The following FREM1 variants were observed in gnomAD, a reference collection of about 807,000 sequenced individuals.
FREM1 encodes FRAS1 related extracellular matrix 1.
A neutral mutation model predicts 210.1 loss-of-function variants in FREM1; 220 were observed. The ratio of observed to expected loss-of-function variants is 1.05; its 90% confidence interval spans 0.94 to 1.17. The LOEUF (loss-of-function observed/expected upper bound fraction) is 1.17. FREM1 is among the 50% of genes most tolerant of loss of function. The pLI, the probability that FREM1 is intolerant of heterozygous loss-of-function variation, is 0.00. For missense variants in FREM1, 3,454 were observed against 2,675.5 expected, an observed-to-expected ratio of 1.29 and a Z score of -6.42; for synonymous variants, 1,189 against 980.2, an observed-to-expected ratio of 1.21 and a Z score of -3.98.
At chr9:14,791,841 T>A (rs1435277661) in intron 22 of FREM1, among the ~76,000 whole-genome samples, 62 of 151,882 alleles carry the variant, frequency 4.1e-4, no homozygotes, top group Non-Finnish European at 1.0e-4. Flanking sequence ...TTTGTTTTGT[T>A]TTGTTTTTTA....
chr9:14,786,224 C>G (rs141075534), intron 23 of FREM1, among the ~76,000 whole-genome samples: 1 of 152,108 alleles, frequency 6.6e-6, no homozygotes, highest in African/African-American at 2.4e-5. Flanking sequence ...ATTAATAAAA[C>G]ATTGAGTGAG....
intron 15 of FREM1, among the ~76,000 whole-genome samples, chr9:14,813,338 GA>G (rs1355433684): frequency 2.6e-5 from 4 of 152,266 alleles, no homozygotes; most frequent in African/African-American, 9.6e-5. Context: ...TTTCTAGACA[GA>G]AAAAATACAA....
intron 1 of FREM1, among the ~76,000 whole-genome samples, chr9:14,886,117 TG>T (rs2132266991): frequency 6.6e-6 from 1 of 152,226 alleles, no homozygotes; most frequent in East Asian, 1.9e-4. Flanking sequence ...CTGTGTGCGG[TG>T]GCTCACGCCT....
chr9:14,782,293 T>G (rs553539155), intron 24 of FREM1: 2 of 869,488 alleles, frequency 2.3e-6, no homozygotes, highest in East Asian at 2.4e-4. Context: ...TGGATGCAAA[T>G]TAGGAAATTT....
In FREM1 at chr9:14,816,709, T is replaced by C. The variant is rs1405895853; in HGVS notation, c.2640+69A>G. On this transcript the variant is annotated intron_variant, in intron 15 of 36. Transcript: ENST00000380880. ...TCTTTTCATTATAAATTACCCAGTC[T>C]GTAGTATTGTGTTATGGCAGCACAA... 1.3e-5 allele frequency: 9 copies of C among 704,460 alleles called. No individual in the cohort carries two copies. In the East Asian group the frequency reaches 2.3e-4, roughly 18 times the overall value. The allele number at this position is 704,460 out of a possible 1,614,324, so 43.6% of individuals were successfully genotyped here.
chr9:14,807,127 C>G (rs903131629), intron 17 of FREM1, among the ~76,000 whole-genome samples: 3 of 152,216 alleles, frequency 2.0e-5, no homozygotes, highest in Non-Finnish European at 2.9e-5. Context: ...TGTTCCAGCA[C>G]AGCCCTTTAG....
At chr9:14,811,510 C>T (rs887530152) in intron 16 of FREM1, among the ~76,000 whole-genome samples, 6 of 152,128 alleles carry the variant, frequency 3.9e-5, no homozygotes, top group African/African-American at 1.2e-4. Context: ...TAGTGGTGAA[C>T]TCCTGAGGGA....
At chr9:14,773,166 G>A (rs1847898469) in intron 25 of FREM1, among the ~76,000 whole-genome samples, 1 of 152,108 alleles carries the variant, frequency 6.6e-6, no homozygotes, top group African/African-American at 2.4e-5. Context: ...TGCACAGAAA[G>A]CAATGGCATC....
rs1377074855 is a variant in FREM1 at position 14,819,225 on chromosome 9, T to C, written c.2546+9A>G. ...GCATGTAAATAAAAAAACCATGAAA[T>C]GTTCTAACCTAACTTTTAAGGTATG... is the stretch of plus-strand genomic sequence containing the variant. On this transcript the variant is annotated intron_variant, in intron 14 of 36. Coordinates refer to ENST00000380880, the MANE Select transcript of FREM1 (RefSeq NM_001379081.2). The C allele has an allele frequency of 5.7e-6, 9 of 1,568,022 alleles. No homozygotes were observed. The highest frequency in any genetic ancestry group is 1.4e-5 in the African/African-American group (1 of 73,288).
At chr9:14,878,036 A>C (rs759607327) in intron 1 of FREM1, among the ~76,000 whole-genome samples, 2 of 152,186 alleles carry the variant, frequency 1.3e-5, no homozygotes, top group Non-Finnish European at 2.9e-5. Context: ...ATAGCATCCT[A>C]TTTGATCTCC....
chr9:14,892,776 G>T (rs1837072948), intron 1 of FREM1, among the ~76,000 whole-genome samples: 1 of 152,006 alleles, frequency 6.6e-6, no homozygotes, highest in Non-Finnish European at 1.5e-5. Flanking sequence ...GCAATGGGTG[G>T]GTCTTTCTCT....
At chr9:14,892,775 G>A (rs1837072052) in intron 1 of FREM1, among the ~76,000 whole-genome samples, 1 of 152,046 alleles carries the variant, frequency 6.6e-6, no homozygotes, top group Non-Finnish European at 1.5e-5. Flanking sequence ...TGCAATGGGT[G>A]GGTCTTTCTC....
chr9:14,744,764 A>T (rs1211760330), intron 35 of FREM1, among the ~76,000 whole-genome samples: 1 of 152,170 alleles, frequency 6.6e-6, no homozygotes, highest in Non-Finnish European at 1.5e-5. Context: ...AATACCTAGG[A>T]GTAGAATATG....
At chr9:14,834,716 A>G (rs1413915547) in intron 10 of FREM1, among the ~76,000 whole-genome samples, 4 of 152,184 alleles carry the variant, frequency 2.6e-5, no homozygotes, top group African/African-American at 9.7e-5. Flanking sequence ...ATTTAGTCAC[A>G]TGAGATTGCC....
At chr9:14,812,540 T>C (rs1243361686) in intron 16 of FREM1, among the ~76,000 whole-genome samples, 2 of 152,124 alleles carry the variant, frequency 1.3e-5, no homozygotes, top group Non-Finnish European at 2.9e-5. Flanking sequence ...CTAAGGAGAA[T>C]CATAGGGTGA....
At chr9:14,774,736 A>C (rs1040857119) in intron 25 of FREM1, among the ~76,000 whole-genome samples, 2 of 152,284 alleles carry the variant, frequency 1.3e-5, no homozygotes, top group African/African-American at 4.8e-5. Context: ...TTGACTTAAA[A>C]AAGAAAAACA....
At position 14,740,176 on chromosome 9, in the gene FREM1, T is replaced by A; in HGVS notation, c.6313A>T (p.Ile2105Phe). 1 of 1,612,796 alleles carries A rather than the reference T, an allele frequency of 6.2e-7. No individual in the cohort carries two copies. The highest frequency in any genetic ancestry group is 8.5e-7 in the Non-Finnish European group (1 of 1,179,182). Residue 2105 changes from isoleucine (I) to phenylalanine (F), a missense_variant, in exon 36 of 37, where the codon ATT (isoleucine) becomes TTT (phenylalanine). Ile to Phe is a conservative substitution (Grantham distance 21). Coordinates refer to ENST00000380880, the MANE Select transcript of FREM1 (RefSeq NM_001379081.2). ...ATCCAAAAGGACTTTCTCCCACCAATGTCCCAGAGCCACCGCATGTGCTGC... is the reference window on the plus strand; with the variant it reads ...ATCCAAAAGGACTTTCTCCCACCAAAGTCCCAGAGCCACCGCATGTGCTGC... ...SRQHMRWLWD[I>F]GGRKSFWIGL... is the part of the protein sequence containing the mutation.
chr9:14,755,736 T>A (rs1282317431), intron 29 of FREM1, among the ~76,000 whole-genome samples: 1 of 152,212 alleles, frequency 6.6e-6, no homozygotes, highest in African/African-American at 2.4e-5. Context: ...TTCCAAGATT[T>A]CTCTTAGCCT....
chr9:14,744,742 T>C (rs899229831), intron 35 of FREM1, among the ~76,000 whole-genome samples: 1 of 152,206 alleles, frequency 6.6e-6, no homozygotes, highest in Non-Finnish European at 1.5e-5. Context: ...GTATTTTTAT[T>C]TCTTTTAGTT....
Sources: gnomAD v4.1 joint callset for allele counts (sites outside exome capture counted in the v4.1 genomes callset) on GRCh38, gnomAD v4.1.1 for gene constraint, MANE v1.5 for transcripts, NCBI Gene and HGNC (gene_info 2026-07-23, HGNC 2026-07-21) for gene names.